MDFIC2: variants seen among roughly 807,000 people sequenced by gnomAD.
MDFIC2 encodes myoD family inhibitor domain-containing protein 2.
At chr3:70,242,463 C>A (rs1701673419) in intron 2 of MDFIC2, among the ~76,000 whole-genome samples, 1 of 152,078 alleles carries the variant, frequency 6.6e-6, no homozygotes, top group Admixed American at 6.6e-5. Flanking sequence ...CCATGACCAT[C>A]CTTTGGGGCA....
At chr3:70,292,623 C>G (rs1702249451) in intron 2 of MDFIC2, among the ~76,000 whole-genome samples, 1 of 152,034 alleles carries the variant, frequency 6.6e-6, no homozygotes, top group Admixed American at 6.6e-5. Flanking sequence ...GAGTTTTTCT[C>G]TATGAAAAAT....
At chr3:70,225,111 A>C (rs1701491440) in intron 2 of MDFIC2, among the ~76,000 whole-genome samples, 2 of 152,320 alleles carry the variant, frequency 1.3e-5, no homozygotes, top group South Asian at 4.2e-4. Flanking sequence ...ATCTTTCTCC[A>C]TATAAGAAAG....
chr3:70,276,733 T>A (rs567188853), intron 2 of MDFIC2, among the ~76,000 whole-genome samples: 2 of 152,388 alleles, frequency 1.3e-5, no homozygotes, highest in Non-Finnish European at 2.9e-5. Context: ...CATTAATTTA[T>A]GTATTATCTG....
chr3:70,304,745 G>T (rs1251548941), intron 2 of MDFIC2, among the ~76,000 whole-genome samples: 3 of 152,064 alleles, frequency 2.0e-5, no homozygotes, highest in African/African-American at 7.2e-5. Context: ...TTTACCTCAT[G>T]CAATATAAAT....
At chr3:70,269,410 T>C (rs1396665703) in intron 2 of MDFIC2, among the ~76,000 whole-genome samples, 1 of 152,198 alleles carries the variant, frequency 6.6e-6, no homozygotes, top group Non-Finnish European at 1.5e-5. Context: ...TCCCTGAGTT[T>C]TGGCCAATCA....
intron 2 of MDFIC2, among the ~76,000 whole-genome samples, chr3:70,286,651 G>T (rs1332225933): frequency 1.3e-5 from 2 of 152,040 alleles, no homozygotes; most frequent in Non-Finnish European, 2.9e-5. Context: ...ACCTTGGGCA[G>T]TGTGGCCATT....
At chr3:70,305,444 A>C (rs1271558662) in intron 2 of MDFIC2, among the ~76,000 whole-genome samples, 3 of 152,224 alleles carry the variant, frequency 2.0e-5, no homozygotes, top group Admixed American at 1.3e-4. Flanking sequence ...AGTGTGGCTT[A>C]ATATTTAAAT....
intron 2 of MDFIC2, among the ~76,000 whole-genome samples, chr3:70,214,254 A>C (rs1701383195): frequency 6.6e-6 from 1 of 152,106 alleles, no homozygotes; most frequent in African/African-American, 2.4e-5. Context: ...TGGTTGGAAG[A>C]CGTCCTTTAA....
chr3:70,199,240 G>C (rs1277793696), intron 3 of MDFIC2, among the ~76,000 whole-genome samples: 1 of 152,146 alleles, frequency 6.6e-6, no homozygotes, highest in East Asian at 1.9e-4. Flanking sequence ...AGAGTGTGAA[G>C]GACCTGTTCG....
intron 2 of MDFIC2, among the ~76,000 whole-genome samples, chr3:70,255,843 T>G (rs900061615): frequency 1.3e-5 from 2 of 152,162 alleles, no homozygotes; most frequent in Non-Finnish European, 2.9e-5. Context: ...GATGGAAGCC[T>G]CCATAACTTT....
intron 2 of MDFIC2, among the ~76,000 whole-genome samples, chr3:70,289,419 C>G (rs1325248889): frequency 2.0e-5 from 3 of 148,084 alleles, no homozygotes; most frequent in African/African-American, 7.6e-5. Flanking sequence ...GGGTTTCTGC[C>G]GAGAGATCCG....
chr3:70,266,964 C>G (rs886658879), intron 2 of MDFIC2, among the ~76,000 whole-genome samples: 1 of 152,156 alleles, frequency 6.6e-6, no homozygotes, highest in African/African-American at 2.4e-5. Flanking sequence ...GGAGCCTTCA[C>G]ATATGAACAT....
chr3:70,208,429 G>A (rs940029974), intron 2 of MDFIC2, among the ~76,000 whole-genome samples: 5 of 152,022 alleles, frequency 3.3e-5, no homozygotes, highest in Admixed American at 1.3e-4. Flanking sequence ...ATGTCTAGTG[G>A]GTTCTGCTTT....
chr3:70,289,004 T>G (rs1702198329), intron 2 of MDFIC2, among the ~76,000 whole-genome samples: 1 of 152,212 alleles, frequency 6.6e-6, no homozygotes, highest in Non-Finnish European at 1.5e-5. Context: ...GGGTCTTAAA[T>G]CTTTATCCAG....
intron 2 of MDFIC2, among the ~76,000 whole-genome samples, chr3:70,266,695 C>T (rs1363159282): frequency 6.6e-6 from 1 of 152,180 alleles, no homozygotes; most frequent in Non-Finnish European, 1.5e-5. Flanking sequence ...ATTCTTCTGC[C>T]TCCGCCTCCC....
At chr3:70,202,079 GATAGTGGTTAGTGACTAGTGTTCTA>G (rs1245255523) in intron 3 of MDFIC2, among the ~76,000 whole-genome samples, 5 of 152,176 alleles carry the variant, frequency 3.3e-5, no homozygotes, top group African/African-American at 4.8e-5. Flanking sequence ...TGGTCTATCT[GATAGTGGTTAGTGACTAGTGTTCTA>G]ATAGTGGTTA....
intron 2 of MDFIC2, among the ~76,000 whole-genome samples, chr3:70,306,444 C>T (rs1016739024): frequency 2.0e-5 from 3 of 152,096 alleles, no homozygotes; most frequent in Non-Finnish European, 4.4e-5. Flanking sequence ...AGATTGAAGT[C>T]GTCATGTGAC....
intron 2 of MDFIC2, chr3:70,249,681 T>G (rs770821324): frequency 1.3e-5 from 2 of 152,128 alleles, no homozygotes; most frequent in Non-Finnish European, 2.9e-5. Context: ...GTGAGAGTCA[T>G]CCTTCATTTA....
At chr3:70,284,366 CAT>C (rs1328704489) in intron 2 of MDFIC2, among the ~76,000 whole-genome samples, 1 of 152,054 alleles carries the variant, frequency 6.6e-6, no homozygotes, top group Non-Finnish European at 1.5e-5. Flanking sequence ...TTTGAGTTTT[CAT>C]ATGTTTCCAG....
Sources: gnomAD v4.1 joint callset for allele counts (sites outside exome capture counted in the v4.1 genomes callset) on GRCh38, gnomAD v4.1.1 for gene constraint, MANE v1.5 for transcripts, NCBI Gene and HGNC (gene_info 2026-07-23, HGNC 2026-07-21) for gene names.